RAB33A: variants seen among roughly 807,000 people sequenced by gnomAD.
RAB33A encodes the protein RAB33A, member RAS oncogene family.
A neutral mutation model predicts 12.0 loss-of-function variants in RAB33A; 6 were observed. That is an observed-to-expected ratio of 0.50 (90% CI 0.27 to 0.99). The LOEUF is 0.99. RAB33A is among the 50% of genes least tolerant of loss of function. RAB33A has a pLI of 0.11. For missense variants in RAB33A, 109 were observed against 192.0 expected (o/e 0.57, Z 2.55); for synonymous variants, 70 against 82.4 (o/e 0.85, Z 0.81).
chrX:130,184,864 T>C lies in RAB33A; in HGVS notation c.*124T>C. 1 of 648,822 alleles carries C rather than the reference T, an allele frequency of 1.5e-6. No individual in the cohort carries two copies. The highest frequency in any genetic ancestry group is 2.3e-6 in the Non-Finnish European group (1 of 438,439). 53.5% of individuals were successfully genotyped at this position (648,822 alleles called of 1,213,427 possible). A position where few individuals can be genotyped will look rare whatever the true frequency, so the allele number is the denominator to read the frequency against. On this transcript the variant is annotated 3_prime_UTR_variant, in exon 2 of 2. Coordinates refer to ENST00000257017, the MANE Select transcript of RAB33A (RefSeq NM_004794.3). Reference sequence around the variant, plus strand: ...AATTGATATCAAAATAAAATTTGTATAGATTATCACATGGCTTTTTGTCTT... The same window carrying C: ...AATTGATATCAAAATAAAATTTGTACAGATTATCACATGGCTTTTTGTCTT...
chrX:130,158,892 T>C, the RAB33A span, among the ~76,000 whole-genome samples: 1 of 110,835 alleles, frequency 9.0e-6, no homozygotes, highest in African/African-American at 3.3e-5. Context: ...CATGTATACT[T>C]GCAGAGATTA....
At chrX:130,136,726 C>T in the RAB33A span, 2 of 1,209,870 alleles carry the variant, frequency 1.7e-6, no homozygotes, top group Non-Finnish European at 2.2e-6. Context: ...ATCACCTTAA[C>T]CCCCTCTGTA....
the RAB33A span, among the ~76,000 whole-genome samples, chrX:130,112,609 G>A: frequency 8.9e-6 from 1 of 112,164 alleles, no homozygotes; most frequent in Non-Finnish European, 1.9e-5. Context: ...ACTCATGCCT[G>A]TAATCCCAGC....
At chrX:130,150,358 C>T in the RAB33A span, among the ~76,000 whole-genome samples, 10 of 60,620 alleles carry the variant, frequency 1.6e-4, no homozygotes, top group South Asian at 1.5e-3. Flanking sequence ...TTTTTTGAGA[C>T]GGAGTCTCGC....
At chrX:130,171,956 GCACA>G (rs760046074), upstream of RAB33A, 46 of 884,015 alleles carry the variant, frequency 5.2e-5, no homozygotes, top group South Asian at 2.1e-4. Flanking sequence ...ACACACGCGC[GCACA>G]CACACACGCA....
At chrX:130,148,118 G>A in the RAB33A span, among the ~76,000 whole-genome samples, 1 of 112,098 alleles carries the variant, frequency 8.9e-6, no homozygotes, top group East Asian at 2.8e-4. Flanking sequence ...CATTCATCAG[G>A]TCTGAACTGG....
At chrX:130,137,159 G>C in the RAB33A span, 2 of 1,211,546 alleles carry the variant, frequency 1.7e-6, no homozygotes, top group South Asian at 1.8e-5. Context: ...GGGAAGAGTT[G>C]AATCACTTCT....
chrX:130,134,993 A>C, the RAB33A span, among the ~76,000 whole-genome samples: 1 of 111,674 alleles, frequency 9.0e-6, no homozygotes, highest in East Asian at 2.8e-4. Context: ...AACACAGGGA[A>C]GGAAATACAC....
the RAB33A span, among the ~76,000 whole-genome samples, chrX:130,145,904 C>A: frequency 1.8e-5 from 2 of 111,492 alleles, no homozygotes; most frequent in East Asian, 5.6e-4. Flanking sequence ...CAGCTCCCCA[C>A]CCCCAGCAAA....
the RAB33A span, among the ~76,000 whole-genome samples, chrX:130,126,943 A>C: frequency 1.1e-3 from 127 of 112,548 alleles, no homozygotes; most frequent in South Asian, 2.2e-3. Flanking sequence ...GTAGGCCTTG[A>C]AAGATGAGTA....
At chrX:130,157,671 G>A in the RAB33A span, among the ~76,000 whole-genome samples, 3 of 110,266 alleles carry the variant, frequency 2.7e-5, no homozygotes, top group African/African-American at 6.6e-5. Context: ...TTTTTCAGCC[G>A]TTTAAAAAAT....
the RAB33A span, chrX:130,155,260 G>A: frequency 7.4e-6 from 9 of 1,210,363 alleles, no homozygotes; most frequent in Non-Finnish European, 7.8e-6. Context: ...GATCTAGAAG[G>A]GGATCCTAGG....
At chrX:130,140,809 C>T in the RAB33A span, among the ~76,000 whole-genome samples, 735 of 112,478 alleles carry the variant, frequency 6.5e-3, 12 homozygotes, top group African/African-American at 0.022. Context: ...CCCAAAACTC[C>T]AGGTCAATAA....
At chrX:130,143,331 A>C in the RAB33A span, among the ~76,000 whole-genome samples, 1 of 111,875 alleles carries the variant, frequency 8.9e-6, no homozygotes. Flanking sequence ...AATGGTCCAA[A>C]ACTGAATTTT....
At chrX:130,140,907 C>T in the RAB33A span, among the ~76,000 whole-genome samples, 1 of 111,937 alleles carries the variant, frequency 8.9e-6, no homozygotes, top group Admixed American at 9.5e-5. Context: ...ACTGAGGCCA[C>T]GAGTTTGAGA....
chrX:130,164,167 C>CAA, the RAB33A span, among the ~76,000 whole-genome samples: 6 of 74,845 alleles, frequency 8.0e-5, no homozygotes, highest in African/African-American at 1.3e-4. Flanking sequence ...GACTCCGTCT[C>CAA]AAAAAAAAAA....
chrX:130,119,223 C>A, the RAB33A span, among the ~76,000 whole-genome samples: 2 of 111,370 alleles, frequency 1.8e-5, no homozygotes, highest in African/African-American at 6.5e-5. Flanking sequence ...CACTCCCCCA[C>A]CCCCTCCAGC....
the RAB33A span, among the ~76,000 whole-genome samples, chrX:130,119,866 C>T: frequency 2.7e-5 from 3 of 111,745 alleles, no homozygotes; most frequent in African/African-American, 6.5e-5. Context: ...AATGCTAACA[C>T]GGGGTGCAGC....
In RAB33A at chrX:130,180,963, G is replaced by A. The variant is rs192609940; in HGVS notation, c.259-3322G>A. 6.4e-5 allele frequency among the ~76,000 whole-genome samples: 5 copies of A among 78,516 alleles called. No homozygotes were observed. The Admixed American group carries it at 7.1e-4, about 11-fold the overall frequency. 68.2% of individuals were successfully genotyped at this position (78,516 alleles called of 115,157 possible). A position where few individuals can be genotyped will look rare whatever the true frequency, so the allele number is the denominator to read the frequency against. On this transcript the variant is annotated intron_variant, in intron 1 of 1. Coordinates refer to ENST00000257017, the MANE Select transcript of RAB33A (RefSeq NM_004794.3). Reference sequence around the variant, plus strand: ...GTGGAGGTTGCAGTGAGCTGAGATTGCACCACTGCACTCCAGCCTGGGCAA... The same window carrying A: ...GTGGAGGTTGCAGTGAGCTGAGATTACACCACTGCACTCCAGCCTGGGCAA...
Sources: allele counts gnomAD v4.1 joint callset (sites outside exome capture counted in the v4.1 genomes callset), GRCh38; gene constraint gnomAD v4.1.1; transcripts MANE v1.5; gene names NCBI Gene and HGNC (gene_info 2026-07-23, HGNC 2026-07-21).